Variants in CPED1 observed in about 807,000 individuals in gnomAD.
CPED1 encodes the protein cadherin-like and PC-esterase domain-containing protein 1.
Under a neutral mutation model 128.2 loss-of-function variants are expected in CPED1, and 114 were observed. The observed-to-expected ratio is 0.89, with a 90% CI of 0.76 to 1.04. The LOEUF (loss-of-function observed/expected upper bound fraction) is 1.04, where lower values mean the gene tolerates loss of function less well. Among genes scored for constraint, CPED1 ranks in the 50% least tolerant of loss-of-function variants. The pLI, the probability that CPED1 is intolerant of heterozygous loss-of-function variation, is 0.00. For synonymous variants in CPED1, 462 were observed against 426.7 expected (o/e 1.08, Z -1.02); for missense variants, 1,211 against 1,207.1 (o/e 1.00, Z -0.05).
chr7:121,236,632 A>C, intron 16 of CPED1, 82 bp from the exon 17 acceptor site: 2 of 749,466 alleles, frequency 2.7e-6, no homozygotes, highest in South Asian at 2.5e-5. Flanking sequence ...GTTATTTGCC[A>C]CATAAAGTCT....
chr7:121,038,251 C>G (rs1246844465), intron 3 of CPED1, among the ~76,000 whole-genome samples: 1 of 151,972 alleles, frequency 6.6e-6, no homozygotes, highest in Non-Finnish European at 1.5e-5. Context: ...TTTCCCCATC[C>G]AGTATAATGT....
intron 5 of CPED1, among the ~76,000 whole-genome samples, chr7:121,087,211 A>C (rs1460552898): frequency 6.6e-6 from 1 of 152,030 alleles, no homozygotes; most frequent in Non-Finnish European, 1.5e-5. Context: ...GCAAAGGGGG[A>C]ATTAGCCATC....
At chr7:121,033,281 TATC>T (rs1792784518) in intron 3 of CPED1, among the ~76,000 whole-genome samples, 2 of 152,212 alleles carry the variant, frequency 1.3e-5, no homozygotes, top group African/African-American at 4.8e-5. Context: ...AAGAGACGAT[TATC>T]ATTTCCTGTG....
In CPED1 at chr7:121,127,194, T is replaced by C. The variant is rs767941983; in HGVS notation, c.1239T>C (p.Asn413=). The C allele has an allele frequency of 3.8e-6, 6 of 1,594,912 alleles. No homozygotes were observed. The highest frequency in any genetic ancestry group is 5.2e-6 in the Non-Finnish European group (6 of 1,164,418). ...ACACTTTCAATTTTCTCTTCCCTAA[T>C]GAATCATCACTTTCCATATTTTCTG... ...LNDTFNFLFP[N]ESSLSIFSEI... The change falls in exon 10 of 23, where the codon AAT becomes AAC. Residue 413 remains asparagine (N), a synonymous_variant. Coordinates refer to ENST00000310396, the MANE Select transcript of CPED1 (RefSeq NM_024913.5).
At position 121,062,807 on chromosome 7, in the gene CPED1, TAGTG is replaced by T. The variant is rs562503617; in HGVS notation, c.541-1427_541-1424del. The T allele has an allele frequency of 2.0e-4, 30 of 152,256 alleles. No homozygotes were observed. The East Asian group carries it at 5.0e-3, about 26-fold the overall frequency. 9.4% of individuals were successfully genotyped at this position (152,256 alleles called of 1,614,324 possible). On this transcript the variant is annotated intron_variant, in intron 4 of 22. Transcript: ENST00000310396. Reference sequence around the variant, plus strand: ...GGTTTCCCCCATCCTATTCTCGTGGTAGTGAGTAAGTCTCACGAGATCTGATGGT... The same window carrying T: ...GGTTTCCCCCATCCTATTCTCGTGGTAGTAAGTCTCACGAGATCTGATGGT...
At chr7:121,096,664 T>G (rs1477777813) in intron 5 of CPED1, among the ~76,000 whole-genome samples, 1 of 152,118 alleles carries the variant, frequency 6.6e-6, no homozygotes, top group African/African-American at 2.4e-5. Context: ...AGAAAAACAT[T>G]ACAAAAATAA....
At position 121,240,963 on chromosome 7, in the gene CPED1, G is replaced by A. The variant is rs143813634; in HGVS notation, c.2174-3239G>A. On this transcript the variant is annotated intron_variant, in intron 17 of 22. Transcript: ENST00000310396. The stretch of plus-strand genomic sequence containing the variant: ...TTTAGGCTGTGTCTATATCAAAGAT[G>A]TGGAGGAGGTTGGTTATTAATGACA... Among the ~76,000 whole-genome samples the A allele has an allele frequency of 7.1e-3, 1,082 of 152,206 alleles. 14 individuals carry two copies. Among genetic ancestry groups the A allele is most frequent in the Middle Eastern group, 0.01 (3 of 294 alleles).
chr7:121,110,728 C>T lies in CPED1; in HGVS notation c.918+10634C>T, dbSNP rs1795088715. Among the ~76,000 whole-genome samples, 4 of 152,082 alleles carry T rather than the reference C, an allele frequency of 2.6e-5. No homozygotes were observed. In the South Asian group the frequency reaches 8.3e-4, roughly 32 times the overall value. On this transcript the variant is annotated intron_variant, in intron 7 of 22. Transcript: ENST00000310396. ...TTTTTTCCCTATGGGCAAAGGGATG[C>T]CTCTAAAAGATAGTGAACAGGAGGC...
chr7:121,153,471 C>T (rs1373649254), intron 16 of CPED1, among the ~76,000 whole-genome samples: 1 of 152,200 alleles, frequency 6.6e-6, no homozygotes, highest in Non-Finnish European at 1.5e-5. Context: ...AATTATTTAG[C>T]ACTTATTGTG....
In CPED1 at chr7:120,989,396, C is replaced by T. The variant is rs1796271543; in HGVS notation, c.-226C>T. ...ATGTCTTTTTTTAAACTCAGGTCAT[C>T]CACTTTTGACTGTCATCCATGGAAG... On this transcript the variant is annotated 5_prime_UTR_variant, in exon 2 of 23. Coordinates refer to ENST00000310396, the MANE Select transcript of CPED1 (RefSeq NM_024913.5). The T allele has an allele frequency of 1.8e-6, 1 of 545,090 alleles. No homozygotes were observed. The allele number at this position is 545,090 out of a possible 1,614,324, so 33.8% of individuals were successfully genotyped here.
intron 18 of CPED1, among the ~76,000 whole-genome samples, chr7:121,247,280 G>GT (rs1798560557): frequency 1.3e-5 from 2 of 152,188 alleles, no homozygotes; most frequent in Admixed American, 1.3e-4. Flanking sequence ...GTAACAAACA[G>GT]TTAAGAGTAA....
intron 3 of CPED1, among the ~76,000 whole-genome samples, chr7:121,019,269 T>C (rs542898850): frequency 3.0e-4 from 46 of 152,154 alleles, no homozygotes; most frequent in African/African-American, 1.0e-3. Flanking sequence ...CTTACGCAAG[T>C]TAAGTTCTCT....
chr7:121,250,433 C>A (rs1798643164), intron 18 of CPED1, among the ~76,000 whole-genome samples: 1 of 151,636 alleles, frequency 6.6e-6, no homozygotes. Context: ...AGAGCAAACA[C>A]ATTCAAAAGC....
intron 18 of CPED1, among the ~76,000 whole-genome samples, chr7:121,260,225 T>C (rs1791982878): frequency 2.9e-5 from 1 of 34,898 alleles, no homozygotes; most frequent in Non-Finnish European, 8.0e-5. Context: ...TGCTTCGCGT[T>C]TTTTTTTTTT....
At chr7:121,129,291 A>ATATACACG (rs1795590801) in intron 11 of CPED1, among the ~76,000 whole-genome samples, 1 of 71,474 alleles carries the variant, frequency 1.4e-5, no homozygotes, top group African/African-American at 6.2e-5. Flanking sequence ...ATATATGTAT[A>ATATACACG]TATATATATA....
At chr7:121,014,549 C>CAAAAAAAAAAAAAAAAA (rs34128129) in intron 2 of CPED1, among the ~76,000 whole-genome samples, 1 of 117,180 alleles carries the variant, frequency 8.5e-6, no homozygotes, top group Non-Finnish European at 1.8e-5. Flanking sequence ...GACTTTGTCT[C>CAAAAAAAAAAAAAAAAA]AAAAAAAAAA....
chr7:121,025,393 G>A (rs925451461), intron 3 of CPED1, among the ~76,000 whole-genome samples: 1 of 151,908 alleles, frequency 6.6e-6, no homozygotes, highest in African/African-American at 2.4e-5. Context: ...AATATTTTTG[G>A]TATTAGAATA....
intron 16 of CPED1, among the ~76,000 whole-genome samples, chr7:121,144,263 A>G (rs538864338): frequency 2.2e-4 from 34 of 152,240 alleles, no homozygotes; most frequent in African/African-American, 7.5e-4. Context: ...CATTATTCAC[A>G]ATAGCCAAGA....
At chr7:121,104,822 C>T (rs1361927036) in intron 7 of CPED1, among the ~76,000 whole-genome samples, 1 of 152,078 alleles carries the variant, frequency 6.6e-6, no homozygotes, top group Non-Finnish European at 1.5e-5. Flanking sequence ...CCTGAGTCTA[C>T]TTTATCCCTA....
Sources: allele counts gnomAD v4.1 joint callset (sites outside exome capture counted in the v4.1 genomes callset), GRCh38; gene constraint gnomAD v4.1.1; transcripts MANE v1.5; gene names NCBI Gene and HGNC (gene_info 2026-07-23, HGNC 2026-07-21).